PSEN1: variants seen among roughly 807,000 people sequenced by gnomAD.
PSEN1 encodes presenilin-1.
PSEN1 carries 15 observed loss-of-function variants against 53.5 expected under a neutral mutation model. That is an observed-to-expected ratio of 0.28 (90% CI 0.19 to 0.43). The LOEUF is 0.43. Ranked by LOEUF, PSEN1 falls within the 20% of genes least tolerant of loss-of-function variation. The probability of loss-of-function intolerance (pLI) is 1.00; values close to 1 mark genes in which losing one functional copy is unlikely to be tolerated. For synonymous variants in PSEN1, 208 were observed against 209.8 expected (o/e 0.99, Z 0.08); for missense variants, 387 against 571.2 (o/e 0.68, Z 3.29).
chr14:73,198,779 CTTG>C (rs1034361510), intron 8 of PSEN1, among the ~76,000 whole-genome samples: 7 of 152,004 alleles, frequency 4.6e-5, no homozygotes, highest in South Asian at 2.1e-4. Flanking sequence ...CCTGTGTTTT[CTTG>C]TTGTTGTTGT....
At chr14:73,145,630 G>A (rs1176418613) in intron 1 of PSEN1, among the ~76,000 whole-genome samples, 1 of 152,096 alleles carries the variant, frequency 6.6e-6, no homozygotes, top group Non-Finnish European at 1.5e-5. Context: ...ATGAGCCACC[G>A]AGCCCGGCCT....
At chr14:73,194,559 C>T (rs996024201) in intron 7 of PSEN1, among the ~76,000 whole-genome samples, 5 of 150,700 alleles carry the variant, frequency 3.3e-5, no homozygotes, top group Admixed American at 1.3e-4. Context: ...CCATGCCTGG[C>T]CATACACTTT....
chr14:73,184,855 G>T (rs1373592534), intron 5 of PSEN1, among the ~76,000 whole-genome samples: 1 of 150,846 alleles, frequency 6.6e-6, no homozygotes, highest in Non-Finnish European at 1.5e-5. Flanking sequence ...CAGACGGGGC[G>T]GCTGCCGGGC....
chr14:73,219,447 A>G lies in PSEN1; in HGVS notation c.*158A>G, dbSNP rs1183304694. 2.4e-6 allele frequency: 2 copies of G among 824,796 alleles called. No homozygotes were observed. The highest frequency in any genetic ancestry group is 2.0e-5 in the Admixed American group (1 of 48,790). The allele number at this position is 824,796 out of a possible 1,614,324, so 51.1% of individuals were successfully genotyped here. On this transcript the variant is annotated 3_prime_UTR_variant, in exon 12 of 12. Transcript: ENST00000324501. ...CAAGTCTTCCTGACCACCTTGCACT[A>G]TTGGACTTTGGAAGGAGGTGCCTAT... is the stretch of plus-strand genomic sequence containing the variant.
chr14:73,215,101 C>T (rs1899859181), intron 10 of PSEN1, among the ~76,000 whole-genome samples: 1 of 151,998 alleles, frequency 6.6e-6, no homozygotes, highest in East Asian at 2.0e-4. Flanking sequence ...GCTGGGACTA[C>T]AGGCACACAT....
Position 73,197,380 on chromosome 14 carries a change from A to G in PSEN1, c.770-651A>G, listed in dbSNP as rs578237909. On this transcript the variant is annotated intron_variant, in intron 7 of 11. Coordinates refer to ENST00000324501, the MANE Select transcript of PSEN1 (RefSeq NM_000021.4). ...AGCTACTTTTCAGCACCACATACATATGTTCTGAGACCTGAATATTTGTGA... is the reference window on the plus strand; with the variant it reads ...AGCTACTTTTCAGCACCACATACATGTGTTCTGAGACCTGAATATTTGTGA... Among the ~76,000 whole-genome samples the G allele has an allele frequency of 3.9e-5, 6 of 152,332 alleles. No individual in the cohort carries two copies. The South Asian group carries it at 6.2e-4, about 16-fold the overall frequency.
intron 6 of PSEN1, among the ~76,000 whole-genome samples, chr14:73,188,455 A>G (rs1898596989): frequency 6.6e-6 from 1 of 152,148 alleles, no homozygotes; most frequent in African/African-American, 2.4e-5. Context: ...AAAGTTGGAT[A>G]CCAACCTGCG....
chr14:73,196,322 A>G (rs989313360), intron 7 of PSEN1, among the ~76,000 whole-genome samples: 4 of 151,878 alleles, frequency 2.6e-5, no homozygotes, highest in Non-Finnish European at 5.9e-5. Flanking sequence ...TTCTCATTCA[A>G]ACAAATTGAG....
chr14:73,193,617 A>AT (rs1382680261), intron 7 of PSEN1, among the ~76,000 whole-genome samples: 1 of 150,908 alleles, frequency 6.6e-6, no homozygotes, highest in Non-Finnish European at 1.5e-5. Context: ...TGCTCAATTC[A>AT]TTTTTTAAAC....
chr14:73,179,388 G>A (rs751659957), intron 5 of PSEN1, among the ~76,000 whole-genome samples: 13 of 152,184 alleles, frequency 8.5e-5, no homozygotes, highest in African/African-American at 3.1e-4. Context: ...AGGCCAAGGC[G>A]GGCAGATTGC....
At chr14:73,145,545 G>A (rs1191352222) in intron 1 of PSEN1, among the ~76,000 whole-genome samples, 1 of 151,108 alleles carries the variant, frequency 6.6e-6, no homozygotes, top group African/African-American at 2.4e-5. Context: ...CACCATGTTG[G>A]CCAGGCTAGT....
intron 3 of PSEN1, among the ~76,000 whole-genome samples, chr14:73,151,878 T>TTTTATATATATATATATATATA (rs1321315363): frequency 1.4e-4 from 8 of 56,906 alleles, no homozygotes; most frequent in African/African-American, 7.3e-4. Flanking sequence ...CTAAAATATT[T>TTTTATATATATATATATATATA]TATATATATA....
chr14:73,187,442 C>T (rs1000385711), intron 6 of PSEN1, among the ~76,000 whole-genome samples: 5 of 152,124 alleles, frequency 3.3e-5, no homozygotes, highest in East Asian at 1.9e-4. Context: ...TAAACAATTG[C>T]ACTAGCTCTT....
At chr14:73,211,686 C>T (rs1899687180) in intron 9 of PSEN1, 83 bp from the exon 10 acceptor site, 3 of 1,449,190 alleles carry the variant, frequency 2.1e-6, no homozygotes, top group Middle Eastern at 1.8e-4. Flanking sequence ...ACAATGACAG[C>T]TAGTTACTGT....
chr14:73,140,261 A>T (rs984190152), intron 1 of PSEN1, among the ~76,000 whole-genome samples: 3 of 116,766 alleles, frequency 2.6e-5, no homozygotes, highest in African/African-American at 1.0e-4. Flanking sequence ...CCCAGGCTGG[A>T]GTGCAGTGGC....
At chr14:73,144,740 T>G (rs1314836884) in intron 1 of PSEN1, among the ~76,000 whole-genome samples, 1 of 152,230 alleles carries the variant, frequency 6.6e-6, no homozygotes, top group Non-Finnish European at 1.5e-5. Context: ...GACAGTGTCT[T>G]TCTTGTTTAG....
intron 8 of PSEN1, among the ~76,000 whole-genome samples, 180 bp downstream of exon 8, chr14:73,198,309 C>G (rs1486143874): frequency 6.6e-6 from 1 of 152,166 alleles, no homozygotes; most frequent in Non-Finnish European, 1.5e-5. Context: ...GATGTTGATT[C>G]AAGAGAGTTT....
At chr14:73,146,428 G>A (rs987346865) in intron 1 of PSEN1, among the ~76,000 whole-genome samples, 1 of 152,014 alleles carries the variant, frequency 6.6e-6, no homozygotes, top group South Asian at 2.1e-4. Flanking sequence ...CTGGCCTTAA[G>A]CTCTTTATTT....
intron 3 of PSEN1, among the ~76,000 whole-genome samples, chr14:73,157,011 A>G (rs1401439934): frequency 3.3e-5 from 5 of 151,598 alleles, no homozygotes; most frequent in African/African-American, 9.7e-5. Flanking sequence ...TTAAGTCATC[A>G]TTCTCATATT....
Sources: allele counts gnomAD v4.1 joint callset (sites outside exome capture counted in the v4.1 genomes callset), GRCh38; gene constraint gnomAD v4.1.1; transcripts MANE v1.5; gene names NCBI Gene and HGNC (gene_info 2026-07-23, HGNC 2026-07-21).